VIPR2: variants seen among roughly 807,000 people sequenced by gnomAD.
VIPR2 encodes vasoactive intestinal polypeptide receptor 2.
VIPR2 carries 48 observed loss-of-function variants against 58.0 expected under a neutral mutation model. That is an observed-to-expected ratio of 0.83 (90% CI 0.66 to 1.05). The LOEUF (loss-of-function observed/expected upper bound fraction) is 1.05. Among genes scored for constraint, VIPR2 ranks in the 50% least tolerant of loss-of-function variants. The pLI, the probability that VIPR2 is intolerant of heterozygous loss-of-function variation, is 0.00. For synonymous variants in VIPR2, 243 were observed against 235.2 expected, an observed-to-expected ratio of 1.03 and a Z score of -0.30; for missense variants, 534 against 558.0, an observed-to-expected ratio of 0.96 and a Z score of 0.43.
chr7:159,074,882 T>C (rs931940710), intron 4 of VIPR2, among the ~76,000 whole-genome samples: 1 of 152,026 alleles, frequency 6.6e-6, no homozygotes, highest in Non-Finnish European at 1.5e-5. Context: ...CTGAAGCCAA[T>C]AGAAAGAGAC....
intron 4 of VIPR2, among the ~76,000 whole-genome samples, chr7:159,062,893 G>T (rs1348082868): frequency 6.6e-6 from 1 of 152,120 alleles, no homozygotes; most frequent in African/African-American, 2.4e-5. Flanking sequence ...TGATTGGTGC[G>T]TTTACAATCC....
intron 10 of VIPR2, among the ~76,000 whole-genome samples, chr7:159,033,405 C>T (rs564054427): frequency 1.3e-5 from 2 of 152,284 alleles, no homozygotes; most frequent in African/African-American, 4.8e-5. Context: ...AGTCTGAGCC[C>T]GAGGCACCTT....
At chr7:159,103,345 C>G (rs73169251) in intron 4 of VIPR2, among the ~76,000 whole-genome samples, 19,386 of 152,226 alleles carry the variant, frequency 0.13, 1,421 homozygotes, top group East Asian at 0.16. Flanking sequence ...GCTCAGGGCT[C>G]AGGAAACCAT....
At chr7:159,085,917 G>GTGA (rs2129495100) in intron 4 of VIPR2, among the ~76,000 whole-genome samples, 1 of 152,300 alleles carries the variant, frequency 6.6e-6, no homozygotes, top group East Asian at 1.9e-4. Flanking sequence ...GCGCGATGCT[G>GTGA]TGATGGCGGG....
At chr7:159,108,217 G>T (rs559141143) in intron 3 of VIPR2, among the ~76,000 whole-genome samples, 28 of 152,190 alleles carry the variant, frequency 1.8e-4, no homozygotes, top group African/African-American at 6.8e-4. Context: ...TCTGTGGTAC[G>T]ATGCCAGGTG....
chr7:159,050,995 A>G (rs565263064), intron 5 of VIPR2, among the ~76,000 whole-genome samples: 1 of 152,348 alleles, frequency 6.6e-6, no homozygotes, highest in East Asian at 1.9e-4. Flanking sequence ...ACAGAATTCA[A>G]TCCTCTCCAA....
chr7:159,042,469 G>A (rs1419883505), intron 6 of VIPR2, among the ~76,000 whole-genome samples: 29 of 152,146 alleles, frequency 1.9e-4, no homozygotes, highest in Admixed American at 1.9e-3. Flanking sequence ...AGAAGGGCGT[G>A]GGTGGAGTCA....
intron 3 of VIPR2, among the ~76,000 whole-genome samples, chr7:159,109,075 T>A (rs1795887275): frequency 6.6e-6 from 1 of 152,238 alleles, no homozygotes; most frequent in Non-Finnish European, 1.5e-5. Context: ...CCCTTTAACC[T>A]CTGTCCAAGA....
At chr7:159,140,230 A>C (rs1265667810) in intron 2 of VIPR2, among the ~76,000 whole-genome samples, 1 of 151,060 alleles carries the variant, frequency 6.6e-6, no homozygotes, top group Non-Finnish European at 1.5e-5. Context: ...TGGATTTAAA[A>C]GTGGCTGTAA....
intron 3 of VIPR2, among the ~76,000 whole-genome samples, chr7:159,104,639 C>A (rs536353271): frequency 7.3e-5 from 11 of 150,894 alleles, no homozygotes; most frequent in African/African-American, 2.7e-4. Context: ...CTCCTCCCGA[C>A]AGCACCCTCC....
chr7:159,038,311 G>A (rs1323226528), intron 6 of VIPR2, among the ~76,000 whole-genome samples: 11 of 152,094 alleles, frequency 7.2e-5, no homozygotes, highest in Admixed American at 5.9e-4. Context: ...CAGGGTGGGT[G>A]CTTCATTTTC....
At chr7:159,139,391 C>T (rs564783801) in intron 2 of VIPR2, among the ~76,000 whole-genome samples, 32 of 152,260 alleles carry the variant, frequency 2.1e-4, no homozygotes, top group African/African-American at 7.5e-4. Context: ...GGAACCCGTG[C>T]GCACACGCAG....
rs1855391464 is a variant in VIPR2, at chr7:159,057,508, C to T, written c.455+973G>A. ...AACCACTCCTAACTTGTTTATTTTA[C>T]ACTTCCAAGTATGGATCTCCTAATG... On this transcript the variant is annotated intron_variant, in intron 5 of 12. Coordinates refer to ENST00000262178, the MANE Select transcript of VIPR2 (RefSeq NM_003382.5). 3.3e-5 allele frequency among the ~76,000 whole-genome samples: 5 copies of T among 152,332 alleles called. No homozygotes were observed. The South Asian group carries it at 1.0e-3, about 32-fold the overall frequency.
intron 4 of VIPR2, among the ~76,000 whole-genome samples, chr7:159,067,519 T>C (rs990525280): frequency 1.3e-5 from 2 of 152,248 alleles, no homozygotes; most frequent in Non-Finnish European, 2.9e-5. Flanking sequence ...AGCTCAATGC[T>C]TTCAGATTTC....
In VIPR2 at chr7:159,029,150, C is replaced by T. The variant is rs74727056; in HGVS notation, c.*1466G>A. 16,597 of 152,284 alleles carry T rather than the reference C, an allele frequency of 0.11. 967 individuals carry two copies. Among genetic ancestry groups the T allele is most frequent in the Middle Eastern group, 0.16 (48 of 292 alleles). The allele number at this position is 152,284 out of a possible 1,614,324, so 9.4% of individuals were successfully genotyped here. On this transcript the variant is annotated 3_prime_UTR_variant, in exon 13 of 13. Coordinates refer to ENST00000262178, the MANE Select transcript of VIPR2 (RefSeq NM_003382.5). ...ACAGCTGTCCCGACCTTTGACATCG[C>T]GCCCCAGCTGGGGTCTGTGATGCCA...
intron 2 of VIPR2, among the ~76,000 whole-genome samples, chr7:159,132,050 C>T (rs185076412): frequency 1.3e-4 from 20 of 152,146 alleles, no homozygotes; most frequent in African/African-American, 3.4e-4. Context: ...ACTTCTGTGT[C>T]GTCTATAAAA....
intron 4 of VIPR2, among the ~76,000 whole-genome samples, chr7:159,101,392 C>T (rs111503204): frequency 3.6e-3 from 237 of 65,620 alleles, no homozygotes; most frequent in Admixed American, 6.0e-3. Context: ...CGGTTCCGAC[C>T]GTTCCTGTGG....
At chr7:159,094,498 C>A (rs1857704733) in intron 4 of VIPR2, among the ~76,000 whole-genome samples, 1 of 152,212 alleles carries the variant, frequency 6.6e-6, no homozygotes, top group Admixed American at 6.5e-5. Flanking sequence ...TGCACAGGCA[C>A]CGGAGACATC....
At chr7:159,113,548 T>C (rs1678766516) in intron 2 of VIPR2, among the ~76,000 whole-genome samples, 1 of 152,026 alleles carries the variant, frequency 6.6e-6, no homozygotes, top group Non-Finnish European at 1.5e-5. Context: ...AGAGAAAAAA[T>C]GGAACCCTGA....
Sources: allele counts gnomAD v4.1 joint callset (sites outside exome capture counted in the v4.1 genomes callset), GRCh38; gene constraint gnomAD v4.1.1; transcripts MANE v1.5; gene names NCBI Gene and HGNC (gene_info 2026-07-23, HGNC 2026-07-21).